The following CECR2 variants were observed in gnomAD, a reference collection of about 807,000 sequenced individuals.
CECR2 encodes CECR2 histone acetyl-lysine reader, also known as chromatin remodeling regulator CECR2.
In CECR2, 30 loss-of-function variants were observed where a neutral mutation model predicts 154.5. That is an observed-to-expected ratio of 0.19 (90% CI 0.15 to 0.26). CECR2 has a LOEUF of 0.26. Ranked by LOEUF, CECR2 falls within the 10% of genes least tolerant of loss-of-function variation. The pLI is 1.00. For missense variants in CECR2, 1,743 were observed against 1,829.3 expected, an observed-to-expected ratio of 0.95 and a Z score of 0.86; for synonymous variants, 725 against 683.7, an observed-to-expected ratio of 1.06 and a Z score of -0.94.
chr22:17,451,948 T>C (rs947175418), intron 1 of CECR2, among the ~76,000 whole-genome samples: 2 of 152,330 alleles, frequency 1.3e-5, no homozygotes, highest in South Asian at 2.1e-4. Context: ...GGCCTGTTAG[T>C]GGACTGACAG....
intron 8 of CECR2, among the ~76,000 whole-genome samples, chr22:17,517,263 G>A (rs1422091423): frequency 1.3e-5 from 2 of 152,182 alleles, no homozygotes; most frequent in African/African-American, 4.8e-5. Flanking sequence ...TTGCTTCGCT[G>A]TGCTAAGACG....
intron 1 of CECR2, among the ~76,000 whole-genome samples, chr22:17,404,390 T>G (rs1359213739): frequency 1.0e-5 from 1 of 95,632 alleles, no homozygotes; most frequent in Non-Finnish European, 2.2e-5. Flanking sequence ...TTTTTTTTTT[T>G]TGAGACGGAG....
intron 1 of CECR2, among the ~76,000 whole-genome samples, chr22:17,464,585 A>G (rs2518753): frequency 0.12 from 18,876 of 152,126 alleles, 1,579 homozygotes; most frequent in African/African-American, 0.24. Context: ...CTGCAGCCAC[A>G]AACTCCTGGG....
At chr22:17,389,273 G>A (rs1363582974) in intron 1 of CECR2, among the ~76,000 whole-genome samples, 3 of 151,920 alleles carry the variant, frequency 2.0e-5, no homozygotes, top group Non-Finnish European at 2.9e-5. Flanking sequence ...TATCTTCATA[G>A]TTACTTTTTG....
At position 17,542,541 on chromosome 22, in the gene CECR2, C is replaced by T. The variant is rs760278050; in HGVS notation, c.2398C>T (p.His800Tyr). 8.1e-6 allele frequency: 13 copies of T among 1,614,038 alleles called. No homozygotes were observed. The highest frequency in any genetic ancestry group is 1.3e-5 in the African/African-American group (1 of 75,064). Reference protein sequence around the residue: ...EKPHLGPGPSHQPRTLGHVMD... With the variant: ...EKPHLGPGPSYQPRTLGHVMD... ...GCCCCACCTGGGGCCAGGACCCTCT[C>T]ACCAGCCTCGCACTCTCGGTCACGT... The change falls in exon 16 of 19, where the codon CAC (histidine) becomes TAC (tyrosine). Residue 800 changes from histidine (H) to tyrosine (Y), a missense_variant. This residue lies in a region of CECR2 where 1,250 missense variants were observed against 1,192.1 expected (regional missense o/e 1.05). Transcript: ENST00000262608.
At chr22:17,369,456 C>T (rs1419707130), upstream of CECR2, 3 of 151,092 alleles carry the variant, frequency 2.0e-5, no homozygotes, top group Non-Finnish European at 1.5e-5. Context: ...CCGCCCCTAG[C>T]CCCATCTGTT....
intron 1 of CECR2, among the ~76,000 whole-genome samples, chr22:17,446,102 C>G (rs1601370486): frequency 6.6e-6 from 1 of 152,068 alleles, no homozygotes; most frequent in Non-Finnish European, 1.5e-5. Context: ...TTTACAGATA[C>G]CTCACTCCAG....
chr22:17,450,444 T>C (rs965497618), intron 1 of CECR2, among the ~76,000 whole-genome samples: 1 of 152,178 alleles, frequency 6.6e-6, no homozygotes, highest in Non-Finnish European at 1.5e-5. Context: ...CTAATTTTTG[T>C]ATTTTTAGTA....
intron 8 of CECR2, among the ~76,000 whole-genome samples, chr22:17,517,990 G>A (rs1278920551): frequency 6.6e-6 from 1 of 151,726 alleles, no homozygotes; most frequent in Non-Finnish European, 1.5e-5. Flanking sequence ...CACTGGCCCA[G>A]TTAAGGGCTT....
intron 1 of CECR2, among the ~76,000 whole-genome samples, chr22:17,420,950 A>G (rs1601328082): frequency 6.6e-6 from 1 of 152,192 alleles, no homozygotes; most frequent in Non-Finnish European, 1.5e-5. Context: ...CCTCGTAATA[A>G]CTATAGTCCT....
chr22:17,377,630 T>TA (rs1357020778), intron 1 of CECR2, among the ~76,000 whole-genome samples: 1 of 152,236 alleles, frequency 6.6e-6, no homozygotes, highest in African/African-American at 2.4e-5. Context: ...AAGATCCACT[T>TA]ACAGCTTCTG....
Position 17,497,519 on chromosome 22 carries a change from G to A in CECR2, c.338G>A (p.Arg113Gln), listed in dbSNP as rs1042373950. ...ASFQDLPLRT[R>Q]VEILHRLCDY... ...TTCCAGGACCTGCCTCTTCGCACAC[G>A]GGTGGAGATCCTGCACCGACTCTGT... The change falls in exon 3 of 19, where the codon CGG becomes CAG. Residue 113 changes from arginine (R) to glutamine (Q), a missense_variant. By Grantham distance (43) the Arg-to-Gln change is conservative. Transcript: ENST00000262608. 2 of 1,613,964 alleles carry A rather than the reference G, an allele frequency of 1.2e-6. No individual in the cohort carries two copies. The highest frequency in any genetic ancestry group is 2.2e-5 in the East Asian group (1 of 44,884).
chr22:17,484,178 GCAATGC>G (rs1422731866), intron 2 of CECR2, among the ~76,000 whole-genome samples: 1 of 152,164 alleles, frequency 6.6e-6, no homozygotes, highest in African/African-American at 2.4e-5. Flanking sequence ...TTTATGTTAA[GCAATGC>G]GTGGCTATTT....
At chr22:17,463,055 G>T (rs1201401213) in intron 1 of CECR2, among the ~76,000 whole-genome samples, 1 of 152,228 alleles carries the variant, frequency 6.6e-6, no homozygotes, top group Non-Finnish European at 1.5e-5. Context: ...TAGCTGGTAG[G>T]TTAGTTAGAA....
At position 17,538,521 on chromosome 22, in the gene CECR2, T is replaced by C; in HGVS notation, c.1240T>C (p.Phe414Leu). The C allele has an allele frequency of 6.2e-7, 1 of 1,613,680 alleles. No individual in the cohort carries two copies. Among genetic ancestry groups the C allele is most frequent in the South Asian group, 1.1e-5 (1 of 91,066 alleles). ...AATTTCTTATTTTGTGATTTACAGC[T>C]TTGAGTTGGATGATGATTTCACTGC... ...MREEKKTKDL[F>L]ELDDDFTAMY... The change falls in exon 11 of 19, where the codon TTT becomes CTT. Residue 414 changes from phenylalanine to leucine, a missense_variant and splice_region_variant. Physicochemically the swap from Phe to Leu is conservative, Grantham distance 22. This residue lies in a region of CECR2 where 292 missense variants were observed against 301.2 expected (regional missense o/e 0.97). Transcript: ENST00000262608.
chr22:17,539,156 G>A (rs777981856), intron 13 of CECR2, 37 bp downstream of exon 13: 3 of 1,604,720 alleles, frequency 1.9e-6, no homozygotes, highest in East Asian at 2.2e-5. Context: ...ATACATATCT[G>A]TAATCAAGAA....
At chr22:17,400,799 G>C (rs1349198859) in intron 1 of CECR2, among the ~76,000 whole-genome samples, 1 of 152,150 alleles carries the variant, frequency 6.6e-6, no homozygotes, top group Non-Finnish European at 1.5e-5. Flanking sequence ...TTGCAGGCTG[G>C]AGTGCAGTGG....
chr22:17,546,506 A>T (rs1419239817), intron 16 of CECR2, among the ~76,000 whole-genome samples: 2 of 151,684 alleles, frequency 1.3e-5, no homozygotes, highest in Non-Finnish European at 2.9e-5. Context: ...AAAAAAAAAA[A>T]ATCCTGTTTA....
Position 17,548,733 on chromosome 22 carries a change from A to G in CECR2, c.3446A>G (p.Lys1149Arg). 6.2e-7 allele frequency: 1 copy of G among 1,613,684 alleles called. No individual in the cohort carries two copies. Among genetic ancestry groups the G allele is most frequent in the Admixed American group, 1.7e-5 (1 of 59,982 alleles). The change falls in exon 17 of 19, where the codon AAG (lysine) becomes AGG (arginine). Residue 1149 changes from lysine (K) to arginine (R), a missense_variant. Lys to Arg is a conservative substitution (Grantham distance 26). Around this residue, in one of 4 missense-constraint regions of CECR2, gnomAD observed 1,250 missense variants for 1,192.1 expected, o/e 1.05. Transcript: ENST00000262608. ...GGTGTGGGCCCTGTGATGGGAGGGAAGTCCCCAGCATCCCATCCCCAGCAT... is the reference window on the plus strand; with the variant it reads ...GGTGTGGGCCCTGTGATGGGAGGGAGGTCCCCAGCATCCCATCCCCAGCAT... ...LQGVGPVMGG[K>R]SPASHPQHFP...
Sources: allele counts gnomAD v4.1 joint callset (sites outside exome capture counted in the v4.1 genomes callset), GRCh38; gene constraint gnomAD v4.1.1; regional missense constraint gnomAD v4.1.1; transcripts MANE v1.5; gene names NCBI Gene and HGNC (gene_info 2026-07-23, HGNC 2026-07-21).